The following TECRL variants were observed in gnomAD, a reference collection of about 807,000 sequenced individuals.
TECRL encodes the protein trans-2,3-enoyl-CoA reductase like, also known as trans-2,3-enoyl-CoA reductase-like.
Under a neutral mutation model 52.8 loss-of-function variants are expected in TECRL, and 63 were observed. That is an observed-to-expected ratio of 1.19 (90% CI 0.97 to 1.47). The LOEUF (loss-of-function observed/expected upper bound fraction) is 1.47. TECRL is among the 40% of genes most tolerant of loss of function. TECRL has a pLI of 0.00. For synonymous variants in TECRL, 164 were observed against 141.9 expected (o/e 1.16, Z -1.10); for missense variants, 482 against 429.6 (o/e 1.12, Z -1.08).
chr4:64,304,277 A>G (rs1366420914), intron 7 of TECRL, among the ~76,000 whole-genome samples: 1 of 151,950 alleles, frequency 6.6e-6, no homozygotes, highest in Non-Finnish European at 1.5e-5. Flanking sequence ...CAATATTCAT[A>G]GTTAATTGTT....
At chr4:64,337,689 A>G (rs888711683) in intron 2 of TECRL, among the ~76,000 whole-genome samples, 12 of 152,186 alleles carry the variant, frequency 7.9e-5, no homozygotes, top group Non-Finnish European at 1.6e-4. Flanking sequence ...TGCTTCAAAG[A>G]GAATAAAATA....
In TECRL at chr4:64,349,000, C is replaced by A. The variant is rs111571006; in HGVS notation, c.287-20444G>T. Among the ~76,000 whole-genome samples, 499 of 135,934 alleles carry A rather than the reference C, an allele frequency of 3.7e-3. 5 individuals carry two copies. The highest frequency in any genetic ancestry group is 0.013 in the African/African-American group (462 of 36,936). 89.2% of individuals were successfully genotyped at this position (135,934 alleles called of 152,430 possible). ...TCAGGAGAACAGATTCAAGAGAAAA[C>A]AAAATTTCAAAACTCCATCTTGTGT... On this transcript the variant is annotated intron_variant, in intron 2 of 11. Coordinates refer to ENST00000381210, the MANE Select transcript of TECRL (RefSeq NM_001010874.5).
chr4:64,388,657 A>T (rs1436422807), intron 1 of TECRL, among the ~76,000 whole-genome samples: 1 of 151,972 alleles, frequency 6.6e-6, no homozygotes, highest in African/African-American at 2.4e-5. Flanking sequence ...ATCCACTAAC[A>T]TAAAGTATCT....
chr4:64,303,096 G>T (rs1350694003), intron 7 of TECRL, among the ~76,000 whole-genome samples: 4 of 151,204 alleles, frequency 2.6e-5, no homozygotes, highest in Non-Finnish European at 4.4e-5. Context: ...CAATATATAA[G>T]CAATTTCTAA....
At chr4:64,409,066 C>T (rs1453826695) in intron 1 of TECRL, 52 bp downstream of exon 1, 3 of 1,400,194 alleles carry the variant, frequency 2.1e-6, no homozygotes, top group East Asian at 2.5e-5. Context: ...ATATTTGGGG[C>T]AGAGAAGAAA....
intron 8 of TECRL, among the ~76,000 whole-genome samples, chr4:64,292,437 C>A (rs1191323444): frequency 6.6e-6 from 1 of 151,788 alleles, no homozygotes; most frequent in African/African-American, 2.4e-5. Flanking sequence ...ATATTCTAGA[C>A]AATAAACACA....
intron 2 of TECRL, among the ~76,000 whole-genome samples, chr4:64,345,801 A>G (rs1719912613): frequency 6.8e-6 from 1 of 147,104 alleles, no homozygotes; most frequent in Admixed American, 7.1e-5. Flanking sequence ...TAACTGATAT[A>G]GAAGAACTGT....
At chr4:64,408,171 C>A (rs1481162613) in intron 1 of TECRL, among the ~76,000 whole-genome samples, 1 of 151,684 alleles carries the variant, frequency 6.6e-6, no homozygotes, top group Admixed American at 6.6e-5. Flanking sequence ...ATGTGCTTGG[C>A]AATTATTAAA....
intron 8 of TECRL, among the ~76,000 whole-genome samples, chr4:64,298,374 C>A (rs528884258): frequency 6.6e-6 from 1 of 150,824 alleles, no homozygotes; most frequent in Non-Finnish European, 1.5e-5. Context: ...TATGTGAAGA[C>A]GAAAAACCAG....
chr4:64,381,912 T>C (rs1289021197), intron 1 of TECRL, among the ~76,000 whole-genome samples: 1 of 151,954 alleles, frequency 6.6e-6, no homozygotes, highest in African/African-American at 2.4e-5. Context: ...TGTGTGCATG[T>C]GTGATCATAT....
In TECRL at chr4:64,328,244, G is replaced by A. The variant is rs965016; in HGVS notation, c.331+268C>T. On this transcript the variant is annotated intron_variant, in intron 3 of 11. Transcript: ENST00000381210. ...TAGAATGAGAAGGTGACCAGTTAAA[G>A]CTTCACAGACGACCAGTTAAAGCTT... 0.023 allele frequency among the ~76,000 whole-genome samples: 3,535 copies of A among 151,528 alleles called. 53 individuals carry two copies. Among genetic ancestry groups the A allele is most frequent in the Non-Finnish European group, 0.037 (2,480 of 67,864 alleles).
intron 2 of TECRL, among the ~76,000 whole-genome samples, chr4:64,357,978 T>C (rs548613669): frequency 1.3e-5 from 2 of 151,730 alleles, no homozygotes; most frequent in East Asian, 3.9e-4. Context: ...ATATAAATAA[T>C]AAGTGTGAAA....
chr4:64,371,971 C>T (rs1195527551), intron 2 of TECRL, among the ~76,000 whole-genome samples: 1 of 151,724 alleles, frequency 6.6e-6, no homozygotes, highest in African/African-American at 2.4e-5. Flanking sequence ...TAGAGACACA[C>T]AGTAGTTTTT....
At chr4:64,370,831 G>T (rs1279337282) in intron 2 of TECRL, among the ~76,000 whole-genome samples, 1 of 151,806 alleles carries the variant, frequency 6.6e-6, no homozygotes, top group East Asian at 1.9e-4. Context: ...TATTAATCAT[G>T]TGCTTAGTAA....
At chr4:64,400,194 G>C (rs887037040) in intron 1 of TECRL, among the ~76,000 whole-genome samples, 1 of 152,168 alleles carries the variant, frequency 6.6e-6, no homozygotes, top group Non-Finnish European at 1.5e-5. Context: ...TTATTCTGGA[G>C]CTTTAAGATT....
intron 9 of TECRL, among the ~76,000 whole-genome samples, chr4:64,288,156 A>T (rs902213866): frequency 4.6e-5 from 7 of 152,206 alleles, no homozygotes; most frequent in African/African-American, 1.7e-4. Context: ...TCTTAAAAAA[A>T]AAAAAAAGAA....
At chr4:64,389,156 C>T (rs2109740082) in intron 1 of TECRL, among the ~76,000 whole-genome samples, 1 of 151,920 alleles carries the variant, frequency 6.6e-6, no homozygotes, top group African/African-American at 2.4e-5. Context: ...TAAGATGCCA[C>T]ACAGCAGTGG....
intron 2 of TECRL, among the ~76,000 whole-genome samples, chr4:64,364,209 AAC>A (rs1280922875): frequency 5.9e-5 from 9 of 152,078 alleles, no homozygotes; most frequent in Non-Finnish European, 1.2e-4. Context: ...AAATCTTCAA[AAC>A]TAGTGAAAAC....
intron 2 of TECRL, among the ~76,000 whole-genome samples, chr4:64,333,134 T>C (rs1372417443): frequency 6.6e-6 from 1 of 151,994 alleles, no homozygotes; most frequent in South Asian, 2.1e-4. Context: ...AGTATATAAT[T>C]GCTAAACCAT....
Sources: allele counts gnomAD v4.1 joint callset (sites outside exome capture counted in the v4.1 genomes callset), GRCh38; gene constraint gnomAD v4.1.1; transcripts MANE v1.5; gene names NCBI Gene and HGNC (gene_info 2026-07-23, HGNC 2026-07-21).